LSG1: variants seen among roughly 807,000 people sequenced by gnomAD.
LSG1 encodes the protein large 60S subunit nuclear export GTPase 1.
LSG1 carries 55 observed loss-of-function variants against 82.6 expected under a neutral mutation model. The observed-to-expected ratio is 0.67, with a 90% CI of 0.54 to 0.83. The LOEUF (loss-of-function observed/expected upper bound fraction) is 0.83, where lower values mean the gene tolerates loss of function less well. LSG1 is among the 40% of genes least tolerant of loss of function. The pLI is 0.00. For missense variants in LSG1, 809 were observed against 807.9 expected (o/e 1.00, Z -0.02); for synonymous variants, 272 against 282.5 (o/e 0.96, Z 0.37).
At chr3:194,649,180 T>C (rs571866379) in intron 10 of LSG1, among the ~76,000 whole-genome samples, 9 of 152,150 alleles carry the variant, frequency 5.9e-5, no homozygotes, top group Non-Finnish European at 1.2e-4. Flanking sequence ...TCCTCCTTTG[T>C]CTCATCTCCC....
chr3:194,646,332 A>G (rs1718553701), intron 11 of LSG1, 89 bp from the exon 12 acceptor site: 1 of 934,102 alleles, frequency 1.1e-6, no homozygotes, highest in African/African-American at 1.6e-5. Flanking sequence ...ATTACTAAGC[A>G]TTCTTACTCT....
intron 7 of LSG1, among the ~76,000 whole-genome samples, chr3:194,655,261 C>T (rs894568687): frequency 4.6e-5 from 7 of 152,098 alleles, no homozygotes; most frequent in Non-Finnish European, 5.9e-5. Context: ...CAGTGAGTTC[C>T]CTGAAAACTG....
At chr3:194,648,075 ATTTTTTTTTTT>A (rs990548703) in intron 11 of LSG1, among the ~76,000 whole-genome samples, 15 of 117,926 alleles carry the variant, frequency 1.3e-4, no homozygotes, top group Admixed American at 8.0e-4. Context: ...CCACACTGCT[ATTTTTTTTTTT>A]TTTTTTTTTT....
intron 2 of LSG1, among the ~76,000 whole-genome samples, chr3:194,667,487 C>G (rs905808463): frequency 6.6e-5 from 10 of 152,182 alleles, no homozygotes; most frequent in Non-Finnish European, 4.4e-5. Context: ...CTTCTCTTTC[C>G]CTGCCATAGT....
intron 13 of LSG1, 24 bp from the exon 14 acceptor site, chr3:194,642,271 T>A: frequency 6.2e-7 from 1 of 1,603,360 alleles, no homozygotes; most frequent in Non-Finnish European, 8.5e-7. Context: ...GAAAACATTA[T>A]CTGAGCTGTC....
intron 11 of LSG1, among the ~76,000 whole-genome samples, chr3:194,647,776 T>A (rs1320302534): frequency 2.6e-5 from 4 of 152,182 alleles, no homozygotes; most frequent in African/African-American, 9.6e-5. Context: ...CCACCTCACC[T>A]TGGGTCAGCT....
intron 10 of LSG1, 72 bp downstream of exon 10, chr3:194,650,809 A>G: frequency 6.7e-7 from 1 of 1,490,498 alleles, no homozygotes; most frequent in Non-Finnish European, 9.1e-7. Flanking sequence ...TGAATCCCTC[A>G]AATGCCCAAA....
intron 5 of LSG1, among the ~76,000 whole-genome samples, chr3:194,662,718 C>T (rs113708182): frequency 0.06 from 9,171 of 152,200 alleles, 312 homozygotes; most frequent in Middle Eastern, 0.1. Context: ...GCCGAGATCA[C>T]GCCACTGCAC....
intron 13 of LSG1, among the ~76,000 whole-genome samples, chr3:194,643,957 C>T (rs1301435441): frequency 6.6e-6 from 1 of 152,128 alleles, no homozygotes; most frequent in Non-Finnish European, 1.5e-5. Flanking sequence ...GAAGAGCACA[C>T]AGTATGATTC....
intron 12 of LSG1, among the ~76,000 whole-genome samples, chr3:194,645,601 C>G (rs945691107): frequency 6.5e-4 from 83 of 127,248 alleles, no homozygotes; most frequent in African/African-American, 1.3e-3. Context: ...CACACACACA[C>G]ACACACACAC....
chr3:194,662,436 C>A (rs1334089743), intron 5 of LSG1, among the ~76,000 whole-genome samples: 4 of 152,164 alleles, frequency 2.6e-5, no homozygotes, highest in Non-Finnish European at 2.9e-5. Context: ...CACCTCCTGC[C>A]CCTTTCCTGG....
chr3:194,671,494 AACG>A (rs1719138604), intron 1 of LSG1, among the ~76,000 whole-genome samples: 1 of 152,168 alleles, frequency 6.6e-6, no homozygotes, highest in Non-Finnish European at 1.5e-5. Flanking sequence ...TGGTGAAAAT[AACG>A]ACTAGAATGA....
chr3:194,656,069 AC>A (rs2108618501), intron 7 of LSG1, among the ~76,000 whole-genome samples: 1 of 152,214 alleles, frequency 6.6e-6, no homozygotes, highest in East Asian at 1.9e-4. Context: ...CCTAGGCAAT[AC>A]CATTCAGGAC....
Position 194,646,191 on chromosome 3 carries a change from C to T in LSG1, c.1596G>A (p.Ala532=), listed in dbSNP as rs200562904. 167 of 1,613,946 alleles carry T rather than the reference C, an allele frequency of 1.0e-4. No homozygotes were observed. The highest frequency in any genetic ancestry group is 1.3e-4 in the Admixed American group (8 of 60,002). Residue 532 remains alanine (A), a synonymous_variant, in exon 12 of 14, where the codon GCG becomes GCA. Coordinates refer to ENST00000265245, the MANE Select transcript of LSG1 (RefSeq NM_018385.3). ...AHGQPDQPRS[A]RYILKDYVSG... is the part of the protein sequence containing the mutation. ...TGACATAGTCCTTCAGGATGTAGCG[C>T]GCAGATCGAGGCTGGTCTGGCTGTC...
intron 10 of LSG1, among the ~76,000 whole-genome samples, chr3:194,650,037 A>G (rs1249872973): frequency 6.6e-6 from 1 of 152,128 alleles, no homozygotes; most frequent in Non-Finnish European, 1.5e-5. Context: ...ATCGTGCCTC[A>G]GCCTCCCGAG....
rs369998061 is a variant in LSG1, at chr3:194,642,099, C to T, written c.1946G>A (p.Ser649Asn). The T allele has an allele frequency of 3.5e-4, 561 of 1,613,016 alleles. 1 individual carries two copies. Among genetic ancestry groups the T allele is most frequent in the Non-Finnish European group, 4.6e-4 (546 of 1,180,040 alleles). Residue 649 changes from serine to asparagine, a missense_variant, in exon 14 of 14, where the codon AGT becomes AAT. Physicochemically the swap from Ser to Asn is conservative, Grantham distance 46. Transcript: ENST00000265245. ...KHGNRNKKEK[S>N]RRLYKHLDM ...ATCCAGGTGCTTGTAGAGTCTACGACTTTTTTCTTTTTTATTTCTGTTGCC... is the reference window on the plus strand; with the variant it reads ...ATCCAGGTGCTTGTAGAGTCTACGATTTTTTTCTTTTTTATTTCTGTTGCC...
chr3:194,642,187 C>A lies in LSG1; in HGVS notation c.1858G>T (p.Gly620Cys), dbSNP rs770014838. 2 of 1,613,998 alleles carry A rather than the reference C, an allele frequency of 1.2e-6. No individual in the cohort carries two copies. Among genetic ancestry groups the A allele is most frequent in the Non-Finnish European group, 1.7e-6 (2 of 1,180,036 alleles). Residue 620 changes from glycine (G) to cysteine (C), a missense_variant, in exon 14 of 14, where the codon GGT (glycine) becomes TGT (cysteine). Gly to Cys is a radical substitution (Grantham distance 159, BLOSUM62 -3). Transcript: ENST00000265245. ...QAVMGYKPGS[G>C]VVTASTASSE... ...CTCGCAGTGGATGCAGTCACTACAC[C>A]ACTCCCGGGCTTGTAACCCATCACA... is the stretch of plus-strand genomic sequence containing the variant.
intron 11 of LSG1, among the ~76,000 whole-genome samples, chr3:194,646,715 T>C (rs1337686323): frequency 1.3e-5 from 2 of 152,150 alleles, no homozygotes; most frequent in African/African-American, 4.8e-5. Flanking sequence ...GAGATGGGGT[T>C]TCACCACGTT....
In LSG1 at chr3:194,665,585, G is replaced by A. The variant is rs751815854; in HGVS notation, c.493C>T (p.Arg165Cys). The change falls in exon 5 of 14, where the codon CGC (arginine) becomes TGC (cysteine). Residue 165 changes from arginine to cysteine, a missense_variant. By Grantham distance (180) the Arg-to-Cys change is radical. Coordinates refer to ENST00000265245, the MANE Select transcript of LSG1 (RefSeq NM_018385.3). ...CTCTCAATGACTCTCCAGAGCTGGC[G>A]CCAAAAGTCCAAATTTCGTTCAAAT... ...TPFERNLDFW[R>C]QLWRVIERSD... 18 of 1,612,960 alleles carry A rather than the reference G, an allele frequency of 1.1e-5. No individual in the cohort carries two copies. Among genetic ancestry groups the A allele is most frequent in the South Asian group, 2.2e-5 (2 of 90,854 alleles).
Sources: allele counts gnomAD v4.1 joint callset (sites outside exome capture counted in the v4.1 genomes callset), GRCh38; gene constraint gnomAD v4.1.1; transcripts MANE v1.5; gene names NCBI Gene and HGNC (gene_info 2026-07-23, HGNC 2026-07-21).